Variants in SRPX observed in about 807,000 individuals in gnomAD.
SRPX encodes sushi repeat containing protein X-linked, also known as sushi repeat-containing protein SRPX.
A neutral mutation model predicts 38.1 loss-of-function variants in SRPX; 24 were observed. The observed-to-expected ratio is 0.63, with a 90% CI of 0.46 to 0.89. The LOEUF is 0.89. Among genes scored for constraint, SRPX ranks in the 40% least tolerant of loss-of-function variants. The pLI is 0.00. For missense variants in SRPX, 416 were observed against 377.8 expected (o/e 1.10, Z -0.84); for synonymous variants, 184 against 153.8 (o/e 1.20, Z -1.45).
intron 1 of SRPX, among the ~76,000 whole-genome samples, chrX:38,181,358 G>A (rs770986586): frequency 8.9e-6 from 1 of 112,523 alleles, no homozygotes; most frequent in African/African-American, 3.2e-5. Flanking sequence ...GGGTTGAAAA[G>A]TACAGTTTCT....
chrX:38,206,824 G>A (rs773473210), intron 1 of SRPX, among the ~76,000 whole-genome samples: 5 of 111,750 alleles, frequency 4.5e-5, no homozygotes, highest in African/African-American at 1.3e-4. Flanking sequence ...AAATACTACC[G>A]TTACATAACT....
chrX:38,175,055 T>C (rs1295186435), intron 2 of SRPX, among the ~76,000 whole-genome samples: 1 of 112,266 alleles, frequency 8.9e-6, no homozygotes, highest in Non-Finnish European at 1.9e-5. Context: ...TTTGGTCTCA[T>C]AGTTGCCCAA....
chrX:38,218,832 G>A (rs1443792592), intron 1 of SRPX, among the ~76,000 whole-genome samples: 1 of 111,811 alleles, frequency 8.9e-6, no homozygotes, highest in African/African-American at 3.3e-5. Flanking sequence ...CCCCTCCTCT[G>A]GATCTCACAA....
intron 4 of SRPX, among the ~76,000 whole-genome samples, chrX:38,169,275 T>A (rs1938422358): frequency 8.9e-6 from 1 of 112,095 alleles, no homozygotes; most frequent in Non-Finnish European, 1.9e-5. Flanking sequence ...GATACATTCA[T>A]TCTTAGCCCT....
chrX:38,164,169 G>A lies in SRPX; in HGVS notation c.653+600C>T, dbSNP rs193207936. Among the ~76,000 whole-genome samples the A allele has an allele frequency of 6.4e-4, 69 of 107,789 alleles. 1 individual carries two copies. In the East Asian group the frequency reaches 0.017, roughly 27 times the overall value. 93.6% of individuals were successfully genotyped at this position (107,789 alleles called of 115,157 possible). On this transcript the variant is annotated intron_variant, in intron 5 of 9. Transcript: ENST00000378533. Reference sequence around the variant, plus strand: ...TTTTTTTTAATTTTTTTGAGATGGCGTCTCACTCTGTCACCCAGGCTGGAG... The same window carrying A: ...TTTTTTTTAATTTTTTTGAGATGGCATCTCACTCTGTCACCCAGGCTGGAG...
chrX:38,193,782 A>G (rs1260464423), intron 1 of SRPX, among the ~76,000 whole-genome samples: 1 of 112,277 alleles, frequency 8.9e-6, no homozygotes, highest in Non-Finnish European at 1.9e-5. Context: ...TACATTTGAA[A>G]GTAACTAAAG....
Position 38,149,582 on chromosome X carries a change from A to C in SRPX, c.*129T>G. 7.4e-6 allele frequency: 5 copies of C among 673,755 alleles called. No individual in the cohort carries two copies. The highest frequency in any genetic ancestry group is 1.0e-5 in the Non-Finnish European group (5 of 484,959). 55.5% of individuals were successfully genotyped at this position (673,755 alleles called of 1,213,427 possible). ...CATGCTAATTTTTAAGTGCAAAGAAAGCTCATAATAAAATAGACTTTTAAA... is the reference window on the plus strand; with the variant it reads ...CATGCTAATTTTTAAGTGCAAAGAACGCTCATAATAAAATAGACTTTTAAA... On this transcript the variant is annotated 3_prime_UTR_variant, in exon 10 of 10. Transcript: ENST00000378533.
At chrX:38,149,922 TA>T in intron 9 of SRPX, 28 bp from the exon 10 acceptor site, 4 of 1,166,450 alleles carry the variant, frequency 3.4e-6, no homozygotes, top group Non-Finnish European at 4.6e-6. Flanking sequence ...AAGAGGAGAC[TA>T]AGTCAAACCA....
chrX:38,194,439 T>C (rs7880138), intron 1 of SRPX, among the ~76,000 whole-genome samples: 35,086 of 111,149 alleles, frequency 0.32, 4,552 homozygotes, highest in Non-Finnish European at 0.41. Context: ...GAAGTTTAGA[T>C]TGGTATAACT....
chrX:38,165,664 G>A (rs2058220798), intron 4 of SRPX, among the ~76,000 whole-genome samples: 1 of 112,079 alleles, frequency 8.9e-6, no homozygotes, highest in South Asian at 3.8e-4. Flanking sequence ...CTAAGTCGGA[G>A]CACTTGCCAC....
At chrX:38,190,128 G>A (rs1039344996) in intron 1 of SRPX, among the ~76,000 whole-genome samples, 21 of 112,433 alleles carry the variant, frequency 1.9e-4, no homozygotes, top group African/African-American at 6.1e-4. Flanking sequence ...ACTGAATTCA[G>A]AGAAGACAGA....
chrX:38,178,388 A>G (rs375983071), intron 1 of SRPX, 44 bp from the exon 2 acceptor site: 53 of 1,080,719 alleles, frequency 4.9e-5, no homozygotes, highest in Non-Finnish European at 6.8e-5. Flanking sequence ...AAAGCCACAT[A>G]GTATGGACGC....
At chrX:38,172,521 T>C (rs1393244593) in intron 3 of SRPX, among the ~76,000 whole-genome samples, 1 of 113,129 alleles carries the variant, frequency 8.8e-6, no homozygotes, top group African/African-American at 3.2e-5. Flanking sequence ...ACACAAAGTT[T>C]CCTGTCACAC....
At chrX:38,187,987 CTT>C (rs1355904806) in intron 1 of SRPX, among the ~76,000 whole-genome samples, 4 of 111,812 alleles carry the variant, frequency 3.6e-5, no homozygotes, top group Non-Finnish European at 7.5e-5. Context: ...GAAAAAGAAA[CTT>C]TAGCTTTTCA....
chrX:38,184,285 A>G (rs1401633912), intron 1 of SRPX, among the ~76,000 whole-genome samples: 1 of 111,949 alleles, frequency 8.9e-6, no homozygotes, highest in Non-Finnish European at 1.9e-5. Context: ...CTGGCTCTGT[A>G]TTATATTTTT....
intron 4 of SRPX, among the ~76,000 whole-genome samples, chrX:38,171,110 G>T (rs1247653930): frequency 1.8e-5 from 2 of 111,336 alleles, no homozygotes; most frequent in African/African-American, 6.5e-5. Context: ...TTGCCCTAAA[G>T]CATCGTTTAG....
chrX:38,198,366 C>G (rs1296950884), intron 1 of SRPX, among the ~76,000 whole-genome samples: 2 of 112,085 alleles, frequency 1.8e-5, no homozygotes, highest in African/African-American at 6.5e-5. Flanking sequence ...CAGAGAATAC[C>G]AATTTCATGT....
At chrX:38,155,556 CT>C (rs749100513) in intron 8 of SRPX, among the ~76,000 whole-genome samples, 5 of 112,380 alleles carry the variant, frequency 4.4e-5, no homozygotes, top group Admixed American at 2.8e-4. Flanking sequence ...GTCCTAACCA[CT>C]TCACCCATCA....
chrX:38,154,497 T>C lies in SRPX; in HGVS notation c.1176A>G (p.Ala392=), dbSNP rs763178583. 63 of 1,204,703 alleles carry C rather than the reference T, an allele frequency of 5.2e-5. No homozygotes were observed. The highest frequency in any genetic ancestry group is 6.8e-5 in the Non-Finnish European group (61 of 892,606). ...VFPTLIGRIG[A]KIMPPALALQ... ...GCGCTAGGGCTGGAGGCATAATCTTTGCTCCTATCCTGCCAATGAGAGTCG... is the reference window on the plus strand; with the variant it reads ...GCGCTAGGGCTGGAGGCATAATCTTCGCTCCTATCCTGCCAATGAGAGTCG... The change falls in exon 9 of 10, where the codon GCA becomes GCG. Residue 392 remains alanine, a synonymous_variant. Transcript: ENST00000378533.
Sources: gnomAD v4.1 joint callset for allele counts (sites outside exome capture counted in the v4.1 genomes callset) on GRCh38, gnomAD v4.1.1 for gene constraint, MANE v1.5 for transcripts, NCBI Gene and HGNC (gene_info 2026-07-23, HGNC 2026-07-21) for gene names.